MAP3K20: variants seen among roughly 807,000 people sequenced by gnomAD.
MAP3K20 encodes the protein mitogen-activated protein kinase kinase kinase 20, also known as HCCS-4.
MAP3K20 carries 40 observed loss-of-function variants against 85.7 expected under a neutral mutation model. That is an observed-to-expected ratio of 0.47 (90% CI 0.36 to 0.61). The LOEUF (loss-of-function observed/expected upper bound fraction) is 0.61. Ranked by LOEUF, MAP3K20 falls within the 20% of genes least tolerant of loss-of-function variation. The pLI is 0.00. For synonymous variants in MAP3K20, 325 were observed against 327.7 expected (o/e 0.99, Z 0.09); for missense variants, 817 against 961.7 (o/e 0.85, Z 1.99).
chr2:173,204,969 G>A (rs1429208461), intron 9 of MAP3K20, among the ~76,000 whole-genome samples: 4 of 151,832 alleles, frequency 2.6e-5, no homozygotes, highest in East Asian at 1.9e-4. Context: ...CGGGCGTGGT[G>A]GCGGGCACCT....
chr2:173,087,679 A>G (rs1483880951), intron 1 of MAP3K20, among the ~76,000 whole-genome samples: 1 of 152,234 alleles, frequency 6.6e-6, no homozygotes, highest in African/African-American at 2.4e-5. Context: ...ACTGCTCAGT[A>G]GCCACATTAG....
rs572477450 is a variant in MAP3K20 at position 173,127,765 on chromosome 2, T to A, written c.159+36575T>A. ...AAAAAAAAAAGTAAGACATAAAGGC[T>A]GCCCCATAATTCATGCATATCAACC... On this transcript the variant is annotated intron_variant, in intron 2 of 19. Transcript: ENST00000375213. 6.6e-5 allele frequency among the ~76,000 whole-genome samples: 10 copies of A among 151,182 alleles called. No individual in the cohort carries two copies. In the South Asian group the frequency reaches 1.9e-3, roughly 28 times the overall value.
chr2:173,238,538 G>C, intron 15 of MAP3K20, 103 bp downstream of exon 15: 4 of 1,070,056 alleles, frequency 3.7e-6, no homozygotes, highest in Non-Finnish European at 5.5e-6. Context: ...GTTGTTTGAA[G>C]TGAAATTTCA....
chr2:173,109,909 A>G (rs1177473403), intron 2 of MAP3K20, among the ~76,000 whole-genome samples: 1 of 151,986 alleles, frequency 6.6e-6, no homozygotes, highest in East Asian at 1.9e-4. Flanking sequence ...TAATTTTTTA[A>G]AAAATGAAAA....
At chr2:173,128,679 C>A (rs983950236) in intron 2 of MAP3K20, among the ~76,000 whole-genome samples, 9 of 152,036 alleles carry the variant, frequency 5.9e-5, no homozygotes, top group African/African-American at 2.2e-4. Flanking sequence ...TGCATTAATT[C>A]TCCTTTAGCT....
At position 173,080,290 on chromosome 2, in the gene MAP3K20, GA is replaced by G. The variant is rs147981916; in HGVS notation, c.-35+4290del. 9.9e-3 allele frequency among the ~76,000 whole-genome samples: 1,514 copies of G among 152,348 alleles called. 25 individuals are homozygous for G. Among genetic ancestry groups the G allele is most frequent in the African/African-American group, 0.032 (1,326 of 41,572 alleles). On this transcript the variant is annotated intron_variant, in intron 1 of 19. Coordinates refer to ENST00000375213, the MANE Select transcript of MAP3K20 (RefSeq NM_016653.3). ...TCAGCCACTGTATCAATGTGGTAAA[GA>G]AGGATGTTTTACTACATCTCTCAAG... is the stretch of plus-strand genomic sequence containing the variant.
chr2:173,083,485 C>G (rs1274573094), intron 1 of MAP3K20, among the ~76,000 whole-genome samples: 1 of 152,070 alleles, frequency 6.6e-6, no homozygotes, highest in African/African-American at 2.4e-5. Context: ...TTGCAGAGTG[C>G]TGGGATTACA....
intron 2 of MAP3K20, among the ~76,000 whole-genome samples, chr2:173,109,912 A>G (rs1687894783): frequency 6.6e-6 from 1 of 151,980 alleles, no homozygotes; most frequent in South Asian, 2.1e-4. Context: ...TTTTTTAAAA[A>G]ATGAAAACCA....
Position 173,179,899 on chromosome 2 carries a change from G to A in MAP3K20, c.248-2955G>A, listed in dbSNP as rs532428199. On this transcript the variant is annotated intron_variant, in intron 3 of 19. Coordinates refer to ENST00000375213, the MANE Select transcript of MAP3K20 (RefSeq NM_016653.3). Reference sequence around the variant, plus strand: ...TAGCATCAAAAAGAATAAAATAGTTGGGTATAAATTTAACAAAATAAGTAT... The same window carrying A: ...TAGCATCAAAAAGAATAAAATAGTTAGGTATAAATTTAACAAAATAAGTAT... Among the ~76,000 whole-genome samples, 5 of 152,096 alleles carry A rather than the reference G, an allele frequency of 3.3e-5. No individual in the cohort carries two copies. In the South Asian group the frequency reaches 1.0e-3, roughly 32 times the overall value.
At chr2:173,195,819 C>CATCA (rs1229251331) in intron 7 of MAP3K20, among the ~76,000 whole-genome samples, 1 of 152,152 alleles carries the variant, frequency 6.6e-6, no homozygotes, top group Non-Finnish European at 1.5e-5. Context: ...CTTTTACATC[C>CATCA]ATCAAGTAAC....
chr2:173,084,653 G>T (rs899356669), intron 1 of MAP3K20, among the ~76,000 whole-genome samples: 10 of 152,024 alleles, frequency 6.6e-5, no homozygotes, highest in African/African-American at 2.4e-4. Context: ...AAAACTAAGA[G>T]ATATAATATA....
intron 2 of MAP3K20, among the ~76,000 whole-genome samples, chr2:173,108,137 T>A (rs201537852): frequency 5.9e-5 from 9 of 151,392 alleles, no homozygotes; most frequent in Admixed American, 1.3e-4. Context: ...ATTTTTATTT[T>A]TTTTTTTATT....
intron 7 of MAP3K20, 131 bp downstream of exon 7, chr2:173,191,308 C>T: frequency 1.6e-6 from 2 of 1,272,140 alleles, no homozygotes; most frequent in Non-Finnish European, 2.1e-6. Context: ...CCTAAAGCAG[C>T]ACCATTGGAG....
chr2:173,169,662 G>A lies in MAP3K20; in HGVS notation c.160-143G>A, dbSNP rs1396204133. ...TTGAGCCCAGGAGGCCAAGGCTGCA[G>A]TGAGCCAAGATCACACCACTGTACT... On this transcript the variant is annotated intron_variant, in intron 2 of 19. Transcript: ENST00000375213. 8 of 729,964 alleles carry A rather than the reference G, an allele frequency of 1.1e-5. No homozygotes were observed. The East Asian group carries it at 2.0e-4, about 19-fold the overall frequency. 45.2% of individuals were successfully genotyped at this position (729,964 alleles called of 1,614,324 possible).
intron 2 of MAP3K20, among the ~76,000 whole-genome samples, chr2:173,100,947 G>A (rs1406030905): frequency 6.6e-6 from 1 of 152,146 alleles, no homozygotes; most frequent in Non-Finnish European, 1.5e-5. Context: ...GTTACTGGGA[G>A]CTTGTAATCT....
At chr2:173,094,108 G>A (rs1192320724) in intron 2 of MAP3K20, among the ~76,000 whole-genome samples, 1 of 152,020 alleles carries the variant, frequency 6.6e-6, no homozygotes, top group Non-Finnish European at 1.5e-5. Flanking sequence ...CCTGCACAAT[G>A]TGCACATGTA....
chr2:173,168,871 T>C (rs1194951676), intron 2 of MAP3K20, among the ~76,000 whole-genome samples: 1 of 152,144 alleles, frequency 6.6e-6, no homozygotes, highest in African/African-American at 2.4e-5. Flanking sequence ...AGTATCTGGT[T>C]TTTTTGTTTT....
chr2:173,144,151 G>A (rs570045326), intron 2 of MAP3K20, among the ~76,000 whole-genome samples: 1 of 151,788 alleles, frequency 6.6e-6, no homozygotes, highest in South Asian at 2.1e-4. Context: ...TAAAAATAAA[G>A]AAAGGAAAAG....
intron 14 of MAP3K20, among the ~76,000 whole-genome samples, chr2:173,233,423 G>A (rs1055796721): frequency 1.3e-5 from 2 of 152,176 alleles, no homozygotes; most frequent in Non-Finnish European, 2.9e-5. Context: ...TGTGGTGGTC[G>A]TGGTCATGGT....
Sources: allele counts gnomAD v4.1 joint callset (sites outside exome capture counted in the v4.1 genomes callset), GRCh38; gene constraint gnomAD v4.1.1; transcripts MANE v1.5; gene names NCBI Gene and HGNC (gene_info 2026-07-23, HGNC 2026-07-21).